Variants in GDF6 observed in about 807,000 individuals in gnomAD.
GDF6 encodes the protein growth differentiation factor 6.
A neutral mutation model predicts 32.4 loss-of-function variants in GDF6; 3 were observed. The observed-to-expected ratio is 0.09, with a 90% CI of 0.04 to 0.24. The LOEUF is 0.24. GDF6 is among the 10% of genes least tolerant of loss of function. The pLI is 1.00. For synonymous variants in GDF6, 296 were observed against 295.3 expected, an observed-to-expected ratio of 1.00 and a Z score of -0.03; for missense variants, 589 against 637.9, an observed-to-expected ratio of 0.92 and a Z score of 0.83.
At chr8:96,155,921 A>G (rs1430907614) in intron 1 of GDF6, among the ~76,000 whole-genome samples, 1 of 152,160 alleles carries the variant, frequency 6.6e-6, no homozygotes, top group Non-Finnish European at 1.5e-5. Flanking sequence ...GCTGTTTTGC[A>G]TAACATGAGG....
intron 1 of GDF6, among the ~76,000 whole-genome samples, chr8:96,155,414 C>T (rs1812645111): frequency 6.6e-6 from 1 of 152,250 alleles, no homozygotes; most frequent in Non-Finnish European, 1.5e-5. Flanking sequence ...AGAGTTTGGT[C>T]TGTGGCCTTA....
chr8:96,147,913 G>A (rs1266948566), intron 1 of GDF6, among the ~76,000 whole-genome samples: 1 of 152,226 alleles, frequency 6.6e-6, no homozygotes, highest in East Asian at 1.9e-4. Context: ...CCACTGGCTG[G>A]AGTGCATTAG....
rs540624820 is a variant in GDF6 at position 96,145,759 on chromosome 8, C to A, written c.407-235G>T. On this transcript the variant is annotated intron_variant, in intron 1 of 1. Transcript: ENST00000287020. This position sits in a 1 kb window ranked among gnomAD's most constrained non-coding sequence, Gnocchi z 5.6. The stretch of plus-strand genomic sequence containing the variant: ...TCGCGTCAGCTCCGGACTCTCAGGG[C>A]GGAAGTCGGTGGCTGCTGGCGAGGC... 2.1e-4 allele frequency among the ~76,000 whole-genome samples: 32 copies of A among 152,224 alleles called. No individual in the cohort carries two copies. In the South Asian group the frequency reaches 4.2e-3, roughly 20 times the overall value.
At chr8:96,159,848 C>G (rs571407524) in intron 1 of GDF6, among the ~76,000 whole-genome samples, 3 of 152,354 alleles carry the variant, frequency 2.0e-5, no homozygotes, top group Admixed American at 2.0e-4. Flanking sequence ...CCAGGGCTTT[C>G]CAAGGCTGTC....
intron 1 of GDF6, among the ~76,000 whole-genome samples, chr8:96,157,613 C>G (rs941475976): frequency 6.6e-6 from 1 of 152,188 alleles, no homozygotes; most frequent in Non-Finnish European, 1.5e-5. Context: ...CTGCTCTTTC[C>G]TCCTCGCCAG....
rs1812437006 is a variant in GDF6, at chr8:96,144,589, C to T, written c.1342G>A (p.Val448Met). 6.2e-7 allele frequency: 1 copy of T among 1,613,902 alleles called. No individual in the cohort carries two copies. Among genetic ancestry groups the T allele is most frequent in the African/African-American group, 1.3e-5 (1 of 74,922 alleles). ...TACCTGCAGCCGCACGACTCCACCA[C>T]CATGTCCTCGTACTGCTTGTAGACC... ...NVVYKQYEDMVVESCGCR is the reference protein window; with the variant it reads ...NVVYKQYEDMMVESCGCR Residue 448 changes from valine to methionine, a missense_variant, in exon 2 of 2, where the codon GTG becomes ATG. This residue lies in a region of GDF6 where 153 missense variants were observed against 226.7 expected (regional missense o/e 0.67). Transcript: ENST00000287020. This position sits in a 1 kb window ranked among gnomAD's most constrained non-coding sequence, Gnocchi z 5.1.
rs374385671 is a variant in GDF6 at position 96,160,325 on chromosome 8, G to A, written c.368C>T (p.Ser123Leu). 1.9e-6 allele frequency: 3 copies of A among 1,614,206 alleles called. No homozygotes were observed. Among genetic ancestry groups the A allele is most frequent in the South Asian group, 1.1e-5 (1 of 91,076 alleles). Residue 123 changes from serine (S) to leucine (L), a missense_variant, in exon 1 of 2, where the codon TCG becomes TTG. Transcript: ENST00000287020. ...TACAAAGCTGGTGATCGTATTAGCC[G>A]ACTTGGAAGACTGGAAAAAGCTGGC... is the stretch of plus-strand genomic sequence containing the variant. ...INASFFQSSK[S>L]ANTITSFVDR...
intron 1 of GDF6, among the ~76,000 whole-genome samples, chr8:96,157,363 CA>C (rs1673018326): frequency 6.6e-6 from 1 of 152,200 alleles, no homozygotes; most frequent in African/African-American, 2.4e-5. Flanking sequence ...CACTCTCAAC[CA>C]TAGGCTTCAG....
chr8:96,160,165 A>G, intron 1 of GDF6, 122 bp downstream of exon 1: 1 of 1,045,396 alleles, frequency 9.6e-7, no homozygotes, highest in Non-Finnish European at 1.5e-6. Context: ...ACAATTTAAG[A>G]AAAGTAAAAA....
rs1022284982 is a variant in GDF6, at chr8:96,144,604, G to T, written c.1327C>A (p.Gln443Lys). The change falls in exon 2 of 2, where the codon CAG (glutamine) becomes AAG (lysine). Residue 443 changes from glutamine (Q) to lysine (K), a missense_variant. Physicochemically the swap from Gln to Lys is moderately conservative, Grantham distance 53 (BLOSUM62 1). Coordinates refer to ENST00000287020, the MANE Select transcript of GDF6 (RefSeq NM_001001557.4). The surrounding 1 kb of genome is among the most constrained non-coding windows in gnomAD (Gnocchi z 5.1). Reference sequence around the variant, plus strand: ...GACTCCACCACCATGTCCTCGTACTGCTTGTAGACCACATTATTGCCCGCG... The same window carrying T: ...GACTCCACCACCATGTCCTCGTACTTCTTGTAGACCACATTATTGCCCGCG... ...IDAGNNVVYKQYEDMVVESCG... is the reference protein window; with the variant it reads ...IDAGNNVVYKKYEDMVVESCG... 2 of 1,614,012 alleles carry T rather than the reference G, an allele frequency of 1.2e-6. No individual in the cohort carries two copies. Among genetic ancestry groups the T allele is most frequent in the African/African-American group, 2.7e-5 (2 of 75,038 alleles).
chr8:96,158,078 C>A (rs1006161334), intron 1 of GDF6, among the ~76,000 whole-genome samples: 1 of 152,190 alleles, frequency 6.6e-6, no homozygotes, highest in Non-Finnish European at 1.5e-5. Flanking sequence ...AACCCGGAGA[C>A]GCGGAGGAGA....
intron 1 of GDF6, among the ~76,000 whole-genome samples, chr8:96,152,053 A>T (rs1482632042): frequency 6.6e-6 from 1 of 152,174 alleles, no homozygotes; most frequent in Non-Finnish European, 1.5e-5. Context: ...ACTTCCTTTG[A>T]AATCCAGTTC....
In GDF6 at chr8:96,144,837, T is replaced by G. The variant is rs993039272; in HGVS notation, c.1094A>C (p.Glu365Ala). 1.9e-6 allele frequency: 3 copies of G among 1,613,904 alleles called. No homozygotes were observed. The highest frequency in any genetic ancestry group is 1.7e-5 in the Admixed American group (1 of 60,004). Residue 365 changes from glutamate to alanine, a missense_variant, in exon 2 of 2, where the codon GAG becomes GCG. By Grantham distance (107) the Glu-to-Ala change is moderately radical. Around this residue, in one of 2 missense-constraint regions of GDF6, gnomAD observed 153 missense variants for 226.7 expected, o/e 0.67. Coordinates refer to ENST00000287020, the MANE Select transcript of GDF6 (RefSeq NM_001001557.4). The surrounding 1 kb of genome is among the most constrained non-coding windows in gnomAD (Gnocchi z 5.1). ...SKKPLHVNFKELGWDDWIIAP... is the reference protein window; with the variant it reads ...SKKPLHVNFKALGWDDWIIAP... The stretch of plus-strand genomic sequence containing the variant: ...GATAATCCAGTCGTCCCAGCCCAGC[T>G]CCTTGAAGTTCACGTGCAGGGGCTT...
intron 1 of GDF6, among the ~76,000 whole-genome samples, chr8:96,159,459 AG>A (rs1258835660): frequency 6.6e-6 from 1 of 152,220 alleles, no homozygotes; most frequent in Non-Finnish European, 1.5e-5. Context: ...AGAGGGTACC[AG>A]GGATTTCCCA....
chr8:96,146,313 G>A (rs905217035), intron 1 of GDF6, among the ~76,000 whole-genome samples: 7 of 150,646 alleles, frequency 4.6e-5, no homozygotes, highest in African/African-American at 1.7e-4. Flanking sequence ...GACAGGACTG[G>A]CCATGGGGTT....
rs1015471704 is a variant in GDF6 at position 96,144,241 on chromosome 8, T to C, written c.*322A>G. 2 of 175,312 alleles carry C rather than the reference T, an allele frequency of 1.1e-5. No individual in the cohort carries two copies. Among genetic ancestry groups the C allele is most frequent in the Admixed American group, 1.2e-4 (1 of 8,442 alleles). 10.9% of individuals were successfully genotyped at this position (175,312 alleles called of 1,614,324 possible). ...CACATAAGGAAATCCAAAGCCACAG[T>C]AATAGAGAGAGAGAGAGAGAGAGAG... On this transcript the variant is annotated 3_prime_UTR_variant, in exon 2 of 2. Transcript: ENST00000287020. The surrounding 1 kb of genome is among the most constrained non-coding windows in gnomAD (Gnocchi z 5.1).
intron 1 of GDF6, among the ~76,000 whole-genome samples, chr8:96,159,907 A>C (rs1019778516): frequency 6.6e-6 from 1 of 152,132 alleles, no homozygotes; most frequent in Non-Finnish European, 1.5e-5. Context: ...CTGCGAACCC[A>C]GTATCCCGAG....
At chr8:96,153,997 C>A (rs1356677286) in intron 1 of GDF6, among the ~76,000 whole-genome samples, 2 of 152,184 alleles carry the variant, frequency 1.3e-5, no homozygotes, top group Non-Finnish European at 2.9e-5. Context: ...TTCGGAGCGG[C>A]AGTGGGCTGG....
At chr8:96,156,614 T>C (rs1472395825) in intron 1 of GDF6, among the ~76,000 whole-genome samples, 1 of 152,226 alleles carries the variant, frequency 6.6e-6, no homozygotes, top group South Asian at 2.1e-4. Context: ...CATCCCATGA[T>C]GGCACCTAAA....
Sources: gnomAD v4.1 joint callset for allele counts (sites outside exome capture counted in the v4.1 genomes callset) on GRCh38, gnomAD v4.1.1 for gene constraint, gnomAD v4.1.1 regional missense constraint, Gnocchi (gnomAD v3.1) non-coding constraint, MANE v1.5 for transcripts, NCBI Gene and HGNC (gene_info 2026-07-23, HGNC 2026-07-21) for gene names.